Variants in CHD6 observed in about 807,000 individuals in gnomAD.
CHD6 encodes chromodomain helicase DNA binding protein 6, also known as ATP-dependent chromatin remodeler CHD6.
In CHD6, 50 loss-of-function variants were observed where a neutral mutation model predicts 276.9. That is an observed-to-expected ratio of 0.18 (90% CI 0.14 to 0.23). The LOEUF is 0.23. Among genes scored for constraint, CHD6 ranks in the 10% least tolerant of loss-of-function variants. The pLI is 1.00. For synonymous variants in CHD6, 1,173 were observed against 1,229.3 expected, an observed-to-expected ratio of 0.95 and a Z score of 0.96; for missense variants, 2,564 against 3,365.8, an observed-to-expected ratio of 0.76 and a Z score of 5.89.
chr20:41,617,941 CCGCCCCGGGGGGGGCCTCGGCA>C (rs1477541175), intron 1 of CHD6, among the ~76,000 whole-genome samples: 1 of 146,540 alleles, frequency 6.8e-6, no homozygotes, highest in Non-Finnish European at 1.5e-5. Flanking sequence ...CCCACCGCGC[CCGCCCCGGGGGGGGCCTCGGCA>C]CGCCCCGCCC....
At chr20:41,568,702 G>C (rs1048970672) in intron 1 of CHD6, among the ~76,000 whole-genome samples, 1 of 152,122 alleles carries the variant, frequency 6.6e-6, no homozygotes, top group African/African-American at 2.4e-5. Flanking sequence ...TGTTTAAAGA[G>C]AAGACACATA....
chr20:41,599,393 C>A (rs576976350), intron 1 of CHD6, among the ~76,000 whole-genome samples: 12 of 152,270 alleles, frequency 7.9e-5, no homozygotes, highest in Admixed American at 6.5e-4. Flanking sequence ...TCTCTGGTCT[C>A]ATGGAAAAAT....
Position 41,404,250 on chromosome 20 carries a change from C to T in CHD6, c.*343G>A, listed in dbSNP as rs1323689806. ...CACCCTTCAATGGTAAAACCCTAGA[C>T]AGCTTTCTTTTGCCATTTTTCCTCC... On this transcript the variant is annotated 3_prime_UTR_variant, in exon 37 of 37. Transcript: ENST00000373233. 4.6e-6 allele frequency: 5 copies of T among 1,085,732 alleles called. No individual in the cohort carries two copies. Among genetic ancestry groups the T allele is most frequent in the African/African-American group, 1.6e-5 (1 of 61,818 alleles). The allele number at this position is 1,085,732 out of a possible 1,614,324, so 67.3% of individuals were successfully genotyped here.
chr20:41,530,725 TAGA>T (rs2044663842), intron 3 of CHD6, among the ~76,000 whole-genome samples: 1 of 152,216 alleles, frequency 6.6e-6, no homozygotes, highest in East Asian at 1.9e-4. Context: ...CTGGAGTACA[TAGA>T]AGAATTCTAT....
intron 16 of CHD6, among the ~76,000 whole-genome samples, chr20:41,477,482 T>C (rs1329013552): frequency 2.0e-5 from 3 of 152,070 alleles, no homozygotes; most frequent in East Asian, 3.9e-4. Flanking sequence ...TTATATGCCA[T>C]TTACCAAAAT....
In CHD6 at chr20:41,403,326, G is replaced by A. The variant is rs1237524743; in HGVS notation, c.*1267C>T. The A allele has an allele frequency of 9.4e-7, 1 of 1,063,426 alleles. No individual in the cohort carries two copies. Among genetic ancestry groups the A allele is most frequent in the South Asian group, 4.6e-5 (1 of 21,974 alleles). 65.9% of individuals were successfully genotyped at this position (1,063,426 alleles called of 1,614,324 possible). A position where few individuals can be genotyped will look rare whatever the true frequency, so the allele number is the denominator to read the frequency against. ...AGAGTGTGAACTACCTGTGAAGAGT[G>A]AGACCATCAGAAGGGACGTTAACAT... On this transcript the variant is annotated 3_prime_UTR_variant, in exon 37 of 37. Transcript: ENST00000373233.
At chr20:41,471,585 G>C (rs2043053646) in intron 17 of CHD6, among the ~76,000 whole-genome samples, 1 of 151,796 alleles carries the variant, frequency 6.6e-6, no homozygotes, top group Non-Finnish European at 1.5e-5. Context: ...GCCCAGGCTG[G>C]AGTGCAGTGG....
At chr20:41,510,377 G>A (rs898590256) in intron 5 of CHD6, among the ~76,000 whole-genome samples, 3 of 152,124 alleles carry the variant, frequency 2.0e-5, no homozygotes, top group Non-Finnish European at 2.9e-5. Context: ...AAAATCACTC[G>A]GTAAGCCGAT....
intron 35 of CHD6, 125 bp downstream of exon 35, chr20:41,413,199 C>A: frequency 1.5e-6 from 1 of 659,640 alleles, no homozygotes; most frequent in Non-Finnish European, 2.5e-6. Flanking sequence ...ATGATGTTGT[C>A]AGCTGACAGA....
At chr20:41,480,685 T>C (rs1054777941) in intron 16 of CHD6, among the ~76,000 whole-genome samples, 1 of 152,106 alleles carries the variant, frequency 6.6e-6, no homozygotes, top group Admixed American at 6.6e-5. Flanking sequence ...TTACAACTAA[T>C]ATCATTATTT....
At position 41,589,708 on chromosome 20, in the gene CHD6, G is replaced by A. The variant is rs111847777; in HGVS notation, c.-24+28632C>T. Among the ~76,000 whole-genome samples, 42 of 152,244 alleles carry A rather than the reference G, an allele frequency of 2.8e-4. 3 individuals are homozygous for A. Among genetic ancestry groups the A allele is most frequent in the East Asian group, 2.7e-3 (14 of 5,190 alleles). On this transcript the variant is annotated intron_variant, in intron 1 of 36. Coordinates refer to ENST00000373233, the MANE Select transcript of CHD6 (RefSeq NM_032221.5). ...GGAGAACTACAAATCACTGCTCAAC[G>A]AAATAAAAGAGGACACAAACAAATG...
rs949252723 is a variant in CHD6, at chr20:41,403,642, C to T, written c.*951G>A. 3.8e-6 allele frequency: 4 copies of T among 1,060,994 alleles called. No individual in the cohort carries two copies. The highest frequency in any genetic ancestry group is 1.6e-5 in the African/African-American group (1 of 60,806). The allele number at this position is 1,060,994 out of a possible 1,614,324, so 65.7% of individuals were successfully genotyped here. On this transcript the variant is annotated 3_prime_UTR_variant, in exon 37 of 37. Transcript: ENST00000373233. ...AAAGTGTTGGGCAACTGTCTTCTTG[C>T]AGGCTCCAGAAAGAACCTTATTCTT...
intron 3 of CHD6, among the ~76,000 whole-genome samples, chr20:41,518,651 A>T (rs2044311062): frequency 6.6e-6 from 1 of 152,336 alleles, no homozygotes; most frequent in South Asian, 2.1e-4. Context: ...GAAATCTTCA[A>T]AGTGATTTTT....
chr20:41,414,697 G>A, intron 34 of CHD6: 1 of 325,778 alleles, frequency 3.1e-6, no homozygotes, highest in South Asian at 1.1e-4. Context: ...CGTGGTAGAT[G>A]CTGTTGCCCC....
chr20:41,416,258 T>G (rs2046992580), intron 33 of CHD6, among the ~76,000 whole-genome samples: 1 of 152,158 alleles, frequency 6.6e-6, no homozygotes, highest in Non-Finnish European at 1.5e-5. Flanking sequence ...TCTTTGCCAG[T>G]TCCCCCCTAT....
chr20:41,568,714 T>C (rs1401677974), intron 1 of CHD6, among the ~76,000 whole-genome samples: 2 of 152,228 alleles, frequency 1.3e-5, no homozygotes, highest in African/African-American at 4.8e-5. Flanking sequence ...AGACACATAA[T>C]GGATTCTGAA....
chr20:41,517,404 C>T (rs546223273), intron 3 of CHD6, among the ~76,000 whole-genome samples: 1 of 152,008 alleles, frequency 6.6e-6, no homozygotes, highest in Non-Finnish European at 1.5e-5. Context: ...ATGTAACAAA[C>T]CTGCATTTGT....
intron 36 of CHD6, among the ~76,000 whole-genome samples, chr20:41,410,630 G>A (rs559866413): frequency 2.3e-4 from 35 of 152,278 alleles, no homozygotes; most frequent in Middle Eastern, 6.8e-3. Context: ...TCCGAGGCAG[G>A]GAGTGTGTTT....
chr20:41,506,691 A>C (rs1601033602), intron 5 of CHD6, among the ~76,000 whole-genome samples: 2 of 152,140 alleles, frequency 1.3e-5, no homozygotes, highest in South Asian at 4.1e-4. Flanking sequence ...AGAAGTTTTG[A>C]CCTTGGTCCT....
Sources: allele counts gnomAD v4.1 joint callset (sites outside exome capture counted in the v4.1 genomes callset), GRCh38; gene constraint gnomAD v4.1.1; transcripts MANE v1.5; gene names NCBI Gene and HGNC (gene_info 2026-07-23, HGNC 2026-07-21).